The following MS4A13 variants were observed in gnomAD, a reference collection of about 807,000 sequenced individuals.
MS4A13 encodes the protein membrane spanning 4-domains A13.
In MS4A13, 21 loss-of-function variants were observed where a neutral mutation model predicts 18.4. The ratio of observed to expected loss-of-function variants is 1.14; its 90% CI spans 0.81 to 1.64. The LOEUF (loss-of-function observed/expected upper bound fraction) is 1.64, where lower values mean the gene tolerates loss of function less well. MS4A13 is among the 40% of genes most tolerant of loss of function. The probability of loss-of-function intolerance (pLI) is 0.00; values close to 1 mark genes in which losing one functional copy is unlikely to be tolerated. For synonymous variants in MS4A13, 62 were observed against 57.2 expected (o/e 1.08, Z -0.38); for missense variants, 173 against 176.8 (o/e 0.98, Z 0.12).
At chr11:60,527,784 C>T (rs367699585) in intron 5 of MS4A13, among the ~76,000 whole-genome samples, 2 of 151,794 alleles carry the variant, frequency 1.3e-5, no homozygotes, top group Non-Finnish European at 2.9e-5. Context: ...TGCAGTGAGC[C>T]GAGATTGCGC....
chr11:60,518,957 G>T (rs2086656071), intron 3 of MS4A13, among the ~76,000 whole-genome samples: 2 of 152,104 alleles, frequency 1.3e-5, no homozygotes, highest in South Asian at 4.1e-4. Flanking sequence ...CTCAAGAGAG[G>T]GTTTGCTTAT....
chr11:60,538,101 G>A (rs550646133), intron 6 of MS4A13, among the ~76,000 whole-genome samples: 22 of 147,902 alleles, frequency 1.5e-4, no homozygotes, highest in Non-Finnish European at 2.7e-4. Context: ...TGGGTGCAGC[G>A]CACCAGCATG....
At chr11:60,521,566 C>T (rs549090738) in intron 3 of MS4A13, among the ~76,000 whole-genome samples, 53 of 152,312 alleles carry the variant, frequency 3.5e-4, no homozygotes, top group African/African-American at 1.3e-3. Context: ...AGTCACCTTG[C>T]TCTAATTCCC....
At chr11:60,525,163 G>A (rs1267714696) in intron 4 of MS4A13, 44 bp from the exon 5 acceptor site, 6 of 1,439,700 alleles carry the variant, frequency 4.2e-6, no homozygotes, top group East Asian at 2.4e-5. Flanking sequence ...ACACCAAAAT[G>A]TTTATTCTGA....
chr11:60,527,410 C>CTCTGTGTGTGTGTG (rs1555024373), intron 5 of MS4A13, among the ~76,000 whole-genome samples: 73 of 28,806 alleles, frequency 2.5e-3, no homozygotes, highest in Non-Finnish European at 3.4e-3. Context: ...CTCTCTCTCT[C>CTCTGTGTGTGTGTG]TGTGTGTGTG....
intron 3 of MS4A13, among the ~76,000 whole-genome samples, chr11:60,522,480 G>A (rs78064973): frequency 0.056 from 8,539 of 152,102 alleles, 325 homozygotes; most frequent in South Asian, 0.15. Context: ...TAGCAATAAT[G>A]AGCAAGGAAA....
intron 4 of MS4A13, among the ~76,000 whole-genome samples, chr11:60,524,925 G>A (rs1275312980): frequency 6.6e-6 from 1 of 152,124 alleles, no homozygotes; most frequent in African/African-American, 2.4e-5. Flanking sequence ...CTCCCAAAGT[G>A]CTGGGATTAC....
At chr11:60,519,887 A>G (rs917878298) in intron 3 of MS4A13, among the ~76,000 whole-genome samples, 1 of 152,210 alleles carries the variant, frequency 6.6e-6, no homozygotes, top group Non-Finnish European at 1.5e-5. Flanking sequence ...GAATTTTAAT[A>G]CTAGAGGGCA....
chr11:60,527,398 CTCTCTCTCTCTCTGTGTGTG>C (rs2086724213), intron 5 of MS4A13, among the ~76,000 whole-genome samples: 2 of 93,294 alleles, frequency 2.1e-5, no homozygotes, highest in Non-Finnish European at 4.2e-5. Context: ...CTCTCTCTCT[CTCTCTCTCTCTCTGTGTGTG>C]TGTGTGTGTG....
chr11:60,538,949 G>T (rs1468799577), intron 6 of MS4A13, among the ~76,000 whole-genome samples: 1 of 131,944 alleles, frequency 7.6e-6, no homozygotes, highest in Non-Finnish European at 1.6e-5. Context: ...GGAGCTGAGA[G>T]CAGCTGCCTG....
chr11:60,540,018 A>G (rs1158161026), intron 6 of MS4A13, among the ~76,000 whole-genome samples: 1 of 152,258 alleles, frequency 6.6e-6, no homozygotes, highest in East Asian at 1.9e-4. Flanking sequence ...AGTGCCAGTA[A>G]AAGTAATTAT....
intron 5 of MS4A13, among the ~76,000 whole-genome samples, chr11:60,527,410 C>CTCTGTGTGTGTG (rs1555024373): frequency 3.8e-4 from 11 of 28,810 alleles, no homozygotes; most frequent in Non-Finnish European, 6.2e-4. Flanking sequence ...CTCTCTCTCT[C>CTCTGTGTGTGTG]TGTGTGTGTG....
chr11:60,520,112 A>G (rs1209700347), intron 3 of MS4A13, among the ~76,000 whole-genome samples: 1 of 152,168 alleles, frequency 6.6e-6, no homozygotes, highest in Non-Finnish European at 1.5e-5. Flanking sequence ...TATAGCTCCC[A>G]TAATTCCCAA....
At chr11:60,542,724 T>A, downstream of MS4A13, 1 of 484,476 alleles carries the variant, frequency 2.1e-6, no homozygotes, top group Non-Finnish European at 3.7e-6. Context: ...TTCAAAAATG[T>A]CTCTGCTTAT....
Position 60,529,460 on chromosome 11 carries a change from GGTAA to G in MS4A13, c.402+3_402+6del, listed in dbSNP as rs2086747935. 3.2e-6 allele frequency: 5 copies of G among 1,575,934 alleles called. No homozygotes were observed. The South Asian group carries it at 3.5e-5, about 11-fold the overall frequency. On this transcript the variant is annotated splice_donor_variant and splice_donor_region_variant and intron_variant, in intron 6 of 6. Coordinates refer to ENST00000378186, the MANE Select transcript of MS4A13 (RefSeq NM_001012417.3). LOFTEE classifies it high-confidence loss of function. ...ACTCAATATACAGCTGTTCCAATTTGGTAAGTGTTTACCCACTCTCTGGCAAATC... is the reference window on the plus strand; with the variant it reads ...ACTCAATATACAGCTGTTCCAATTTGGTGTTTACCCACTCTCTGGCAAATC...
At position 60,523,955 on chromosome 11, in the gene MS4A13, T is replaced by A; in HGVS notation, c.186+2T>A. ...ACAAAGTATCCGACTCGATCTGGAG[T>A]AAGTTGAAATGTTTGAGGTATCTCT... On this transcript the variant is annotated splice_donor_variant, in intron 4 of 6. Coordinates refer to ENST00000378186, the MANE Select transcript of MS4A13 (RefSeq NM_001012417.3). LOFTEE classifies it high-confidence loss of function. The A allele has an allele frequency of 6.6e-7, 1 of 1,519,256 alleles. No homozygotes were observed. 94.1% of individuals were successfully genotyped at this position (1,519,256 alleles called of 1,614,324 possible). A position where few individuals can be genotyped will look rare whatever the true frequency, so the allele number is the denominator to read the frequency against.
At position 60,522,508 on chromosome 11, in the gene MS4A13, C is replaced by T. The variant is rs115266959; in HGVS notation, c.130-1389C>T. ...CAAGGAAACCACTTATCCCACACTT[C>T]GAACAGATGGAATGAGGGCTGTAGG... On this transcript the variant is annotated intron_variant, in intron 3 of 6. Transcript: ENST00000378186. Among the ~76,000 whole-genome samples, 640 of 152,088 alleles carry T rather than the reference C, an allele frequency of 4.2e-3. 8 individuals carry two copies. Among genetic ancestry groups the T allele is most frequent in the African/African-American group, 0.014 (596 of 41,494 alleles).
Position 60,539,656 on chromosome 11 carries a change from G to A in MS4A13, c.403-2863G>A, listed in dbSNP as rs1311243895. On this transcript the variant is annotated intron_variant, in intron 6 of 6. Transcript: ENST00000378186. ...AAATAAACACAAAGAGATCCTCCTA[G>A]ACACCTCCATGTCAAACTGATAAAA... Among the ~76,000 whole-genome samples, 3 of 151,898 alleles carry A rather than the reference G, an allele frequency of 2.0e-5. No individual in the cohort carries two copies. In the East Asian group the frequency reaches 5.8e-4, roughly 29 times the overall value.
rs1341994525 is a variant in MS4A13 at position 60,542,554 on chromosome 11, G to C, written c.438G>C (p.Glu146Asp). 1 of 1,610,416 alleles carries C rather than the reference G, an allele frequency of 6.2e-7. No homozygotes were observed. Among genetic ancestry groups the C allele is most frequent in the Non-Finnish European group, 8.5e-7 (1 of 1,177,996 alleles). Residue 146 changes from glutamate (E) to aspartate (D), a missense_variant, in exon 7 of 7, where the codon GAG (glutamate) becomes GAC (aspartate). Coordinates refer to ENST00000378186, the MANE Select transcript of MS4A13 (RefSeq NM_001012417.3). ...RRQNDLTSVT[E>D]EAESTP ...AAAATGATCTTACATCTGTTACTGA[G>C]GAAGCTGAGAGCACTCCTTAAAAAC...
Sources: allele counts gnomAD v4.1 joint callset (sites outside exome capture counted in the v4.1 genomes callset), GRCh38; gene constraint gnomAD v4.1.1; transcripts MANE v1.5; gene names NCBI Gene and HGNC (gene_info 2026-07-23, HGNC 2026-07-21).